AKAP13: variants seen among roughly 807,000 people sequenced by gnomAD.
The protein encoded by AKAP13 is A-kinase anchor protein 13.
In AKAP13, 80 loss-of-function variants were observed where a neutral mutation model predicts 264.5. The observed-to-expected ratio is 0.30, with a 90% CI of 0.25 to 0.36. The LOEUF is 0.36. Among genes scored for constraint, AKAP13 ranks in the 10% least tolerant of loss-of-function variants. The probability of loss-of-function intolerance (pLI) is 1.00; values close to 1 mark genes in which losing one functional copy is unlikely to be tolerated. For missense variants in AKAP13, 3,712 were observed against 3,435.2 expected, an observed-to-expected ratio of 1.08 and a Z score of -2.01; for synonymous variants, 1,380 against 1,250.2, an observed-to-expected ratio of 1.10 and a Z score of -2.19.
At position 85,544,398 on chromosome 15, in the gene AKAP13, A is replaced by G. The variant is rs558775694; in HGVS notation, c.662+443A>G. 2.6e-5 allele frequency among the ~76,000 whole-genome samples: 4 copies of G among 152,342 alleles called. No homozygotes were observed. In the East Asian group the frequency reaches 7.7e-4, roughly 29 times the overall value. ...ACCAGTACTTCCATATTATAATTGCATACAGAAAATATTGTAAACAATTAA... is the reference window on the plus strand; with the variant it reads ...ACCAGTACTTCCATATTATAATTGCGTACAGAAAATATTGTAAACAATTAA... On this transcript the variant is annotated intron_variant, in intron 5 of 36. Transcript: ENST00000394518.
At chr15:85,685,073 C>G in intron 16 of AKAP13, 200 bp downstream of exon 16, 1 of 601,858 alleles carries the variant, frequency 1.7e-6, no homozygotes, top group Middle Eastern at 3.5e-4. Flanking sequence ...TGAGTTTTCA[C>G]TATATGCTAA....
chr15:85,705,200 G>C (rs1020649884), intron 17 of AKAP13, among the ~76,000 whole-genome samples: 7 of 152,186 alleles, frequency 4.6e-5, no homozygotes, highest in African/African-American at 1.7e-4. Flanking sequence ...TGGCCTGAGA[G>C]TTTGAATATT....
intron 1 of AKAP13, among the ~76,000 whole-genome samples, chr15:85,395,880 C>T (rs1484523502): frequency 6.6e-6 from 1 of 152,036 alleles, no homozygotes; most frequent in African/African-American, 2.4e-5. Flanking sequence ...TATCTTTCCT[C>T]CCAGATTATA....
intron 8 of AKAP13, among the ~76,000 whole-genome samples, chr15:85,630,311 T>A (rs374907109): frequency 6.7e-6 from 1 of 150,266 alleles, no homozygotes; most frequent in East Asian, 2.0e-4. Flanking sequence ...CGGCCCAGTG[T>A]CTCTGTATAT....
intron 31 of AKAP13, 149 bp from the exon 32 acceptor site, chr15:85,735,411 C>A (rs2088381954): frequency 1.2e-6 from 1 of 850,552 alleles, no homozygotes. Flanking sequence ...TATTAATAAT[C>A]ACTTAGCTGC....
intron 3 of AKAP13, among the ~76,000 whole-genome samples, chr15:85,524,844 C>T (rs928232121): frequency 1.3e-5 from 2 of 149,342 alleles, no homozygotes; most frequent in Admixed American, 6.7e-5. Flanking sequence ...TCTGTCTGTC[C>T]CTCCCTCCTG....
intron 5 of AKAP13, among the ~76,000 whole-genome samples, chr15:85,555,936 A>C (rs2078127131): frequency 6.6e-6 from 1 of 152,186 alleles, no homozygotes; most frequent in African/African-American, 2.4e-5. Context: ...TATAAAACTT[A>C]TAACAAAAAC....
intron 14 of AKAP13, among the ~76,000 whole-genome samples, chr15:85,679,306 G>C (rs570366082): frequency 1.3e-5 from 2 of 152,032 alleles, no homozygotes; most frequent in East Asian, 3.9e-4. Context: ...TAACAGCACT[G>C]GTCATTCAGT....
At chr15:85,640,153 C>T (rs575096776) in intron 9 of AKAP13, among the ~76,000 whole-genome samples, 5 of 152,294 alleles carry the variant, frequency 3.3e-5, no homozygotes, top group Admixed American at 1.3e-4. Context: ...CTGTGTGCTC[C>T]GTTGTCTCCC....
At chr15:85,502,159 T>C (rs1381116727) in intron 2 of AKAP13, among the ~76,000 whole-genome samples, 1 of 152,158 alleles carries the variant, frequency 6.6e-6, no homozygotes, top group Non-Finnish European at 1.5e-5. Context: ...ATCCAACACT[T>C]TGAGAACCCA....
chr15:85,530,957 C>T (rs1596452898), intron 3 of AKAP13, among the ~76,000 whole-genome samples: 5 of 152,188 alleles, frequency 3.3e-5, no homozygotes, highest in Admixed American at 3.3e-4. Flanking sequence ...TCATGGCAAC[C>T]TCTGCCTCCC....
At chr15:85,667,910 T>C (rs2083690075) in intron 13 of AKAP13, among the ~76,000 whole-genome samples, 1 of 152,246 alleles carries the variant, frequency 6.6e-6, no homozygotes, top group Admixed American at 6.5e-5. Context: ...ACTACTGATG[T>C]GTTTCTAAAA....
At chr15:85,463,512 C>G (rs766266848) in intron 1 of AKAP13, among the ~76,000 whole-genome samples, 4 of 152,170 alleles carry the variant, frequency 2.6e-5, no homozygotes, top group Non-Finnish European at 5.9e-5. Context: ...GCAGCCAGGA[C>G]TAAATTGCAC....
chr15:85,630,853 C>G (rs1482130822), intron 8 of AKAP13, among the ~76,000 whole-genome samples: 1 of 152,150 alleles, frequency 6.6e-6, no homozygotes, highest in Non-Finnish European at 1.5e-5. Flanking sequence ...GGAAAACAGT[C>G]TGACATCTCC....
chr15:85,599,942 C>T (rs1308677348), intron 8 of AKAP13, among the ~76,000 whole-genome samples: 1 of 152,090 alleles, frequency 6.6e-6, no homozygotes, highest in Non-Finnish European at 1.5e-5. Flanking sequence ...TGGAGTCACC[C>T]TATTGGTTAG....
chr15:85,462,686 A>G (rs2074561884), intron 1 of AKAP13, among the ~76,000 whole-genome samples: 1 of 152,236 alleles, frequency 6.6e-6, no homozygotes. Flanking sequence ...AATCAAAGCT[A>G]TGAAATCTGG....
At chr15:85,678,964 G>C (rs1444574073) in intron 14 of AKAP13, among the ~76,000 whole-genome samples, 2 of 152,008 alleles carry the variant, frequency 1.3e-5, no homozygotes, top group Non-Finnish European at 2.9e-5. Flanking sequence ...TCCCAGTCAG[G>C]CACAGTGGCT....
intron 1 of AKAP13, among the ~76,000 whole-genome samples, chr15:85,461,531 G>T (rs940982388): frequency 2.6e-5 from 4 of 152,054 alleles, no homozygotes; most frequent in African/African-American, 9.7e-5. Context: ...CTGATAATGT[G>T]TTCAGCAATC....
intron 17 of AKAP13, among the ~76,000 whole-genome samples, chr15:85,707,542 C>T (rs539641562): frequency 3.3e-5 from 5 of 152,278 alleles, no homozygotes; most frequent in African/African-American, 7.2e-5. Flanking sequence ...TTTGTAACCC[C>T]TGTTAGGGGC....
Sources: gnomAD v4.1 joint callset for allele counts (sites outside exome capture counted in the v4.1 genomes callset) on GRCh38, gnomAD v4.1.1 for gene constraint, MANE v1.5 for transcripts, NCBI Gene and HGNC (gene_info 2026-07-23, HGNC 2026-07-21) for gene names.